The following SGMS1 variants were observed in gnomAD, a reference collection of about 807,000 sequenced individuals.
SGMS1 encodes phosphatidylcholine:ceramide cholinephosphotransferase 1.
A neutral mutation model predicts 46.2 loss-of-function variants in SGMS1; 13 were observed. The observed-to-expected ratio is 0.28, with a 90% CI of 0.18 to 0.45. The LOEUF (loss-of-function observed/expected upper bound fraction) is 0.45. Among genes scored for constraint, SGMS1 ranks in the 20% least tolerant of loss-of-function variants. The pLI is 1.00. For missense variants in SGMS1, 324 were observed against 519.9 expected, an observed-to-expected ratio of 0.62 and a Z score of 3.66; for synonymous variants, 203 against 187.8, an observed-to-expected ratio of 1.08 and a Z score of -0.66.
At chr10:50,500,169 A>AAAAC (rs1837650388) in intron 3 of SGMS1, among the ~76,000 whole-genome samples, 3 of 152,180 alleles carry the variant, frequency 2.0e-5, no homozygotes, top group Admixed American at 2.0e-4. Flanking sequence ...CTCCATCTCA[A>AAAAC]AAACAAACTA....
chr10:50,373,023 A>G (rs58417005), intron 6 of SGMS1, among the ~76,000 whole-genome samples: 4,523 of 152,296 alleles, frequency 0.03, 228 homozygotes, highest in African/African-American at 0.1. Context: ...GATTGTATAT[A>G]TAGCCATCTT....
At chr10:50,547,010 G>A (rs1838107348) in intron 2 of SGMS1, among the ~76,000 whole-genome samples, 1 of 151,982 alleles carries the variant, frequency 6.6e-6, no homozygotes, top group Non-Finnish European at 1.5e-5. Context: ...CCCAAAATAG[G>A]TATTACTGTT....
intron 5 of SGMS1, among the ~76,000 whole-genome samples, chr10:50,458,756 A>G (rs1019142584): frequency 6.6e-6 from 1 of 152,088 alleles, no homozygotes; most frequent in South Asian, 2.1e-4. Flanking sequence ...TCTATCTCTC[A>G]GGATTTTTAC....
intron 7 of SGMS1, chr10:50,341,119 T>C: frequency 3.0e-6 from 1 of 331,790 alleles, no homozygotes; most frequent in South Asian, 2.5e-5. Context: ...ACCAGAAGGA[T>C]CAATTTCTCC....
intron 3 of SGMS1, among the ~76,000 whole-genome samples, chr10:50,513,038 A>G (rs1402900960): frequency 6.6e-6 from 1 of 152,210 alleles, no homozygotes; most frequent in Non-Finnish European, 1.5e-5. Context: ...TTTTTGTAGT[A>G]TGCCTCATGT....
chr10:50,385,110 T>C (rs1848664414), intron 6 of SGMS1, among the ~76,000 whole-genome samples: 1 of 152,176 alleles, frequency 6.6e-6, no homozygotes, highest in African/African-American at 2.4e-5. Context: ...TCTGATGTTT[T>C]CTCTTGATTA....
intron 6 of SGMS1, among the ~76,000 whole-genome samples, chr10:50,383,775 T>C (rs1238504601): frequency 6.6e-6 from 1 of 152,094 alleles, no homozygotes; most frequent in Non-Finnish European, 1.5e-5. Flanking sequence ...TTTTCTTCAA[T>C]AGGCACAAAG....
chr10:50,440,430 C>G (rs1406146072), intron 5 of SGMS1, among the ~76,000 whole-genome samples: 2 of 152,074 alleles, frequency 1.3e-5, no homozygotes, highest in Non-Finnish European at 2.9e-5. Flanking sequence ...GTTTTCTCTC[C>G]TCACATGAAT....
In SGMS1 at chr10:50,350,332, A is replaced by G. The variant is rs1052024434; in HGVS notation, c.-231-5987T>C. Among the ~76,000 whole-genome samples, 3 of 152,226 alleles carry G rather than the reference A, an allele frequency of 2.0e-5. No homozygotes were observed. The East Asian group carries it at 5.8e-4, about 29-fold the overall frequency. On this transcript the variant is annotated intron_variant, in intron 6 of 10. Transcript: ENST00000361781. ...AGGCATTCAGTTTGATAAGGGAAGC[A>G]AAGCATTCAGTTTGATAAGGGAAAA...
At chr10:50,575,346 G>A (rs1427320837) in intron 2 of SGMS1, among the ~76,000 whole-genome samples, 2 of 152,058 alleles carry the variant, frequency 1.3e-5, no homozygotes, top group Non-Finnish European at 2.9e-5. Context: ...ATGAGGCCAG[G>A]AGTTCGAGAC....
upstream of SGMS1, chr10:50,624,110 G>T: frequency 1.0e-6 from 1 of 985,406 alleles, no homozygotes; most frequent in Non-Finnish European, 1.2e-6. Flanking sequence ...CCGAACCAAG[G>T]GACAGTCGCA....
At chr10:50,437,120 G>A (rs973690868) in intron 5 of SGMS1, among the ~76,000 whole-genome samples, 3 of 152,204 alleles carry the variant, frequency 2.0e-5, no homozygotes, top group Non-Finnish European at 4.4e-5. Context: ...CTTATTAAAT[G>A]TTGTGCCATT....
At chr10:50,478,814 A>G (rs529655227) in intron 3 of SGMS1, among the ~76,000 whole-genome samples, 17 of 152,246 alleles carry the variant, frequency 1.1e-4, no homozygotes, top group African/African-American at 3.1e-4. Flanking sequence ...CAATTAGGAA[A>G]CCATTTCAAG....
chr10:50,624,948 G>A, upstream of SGMS1: 1 of 1,023,878 alleles, frequency 9.8e-7, no homozygotes, highest in Non-Finnish European at 1.2e-6. Flanking sequence ...GCTCCGGGCA[G>A]CCATCTTCCG....
intron 8 of SGMS1, among the ~76,000 whole-genome samples, chr10:50,317,846 C>G (rs1266322129): frequency 6.6e-6 from 1 of 150,762 alleles, no homozygotes; most frequent in Non-Finnish European, 1.5e-5. Flanking sequence ...CTTGAGAGCC[C>G]CGGCTGGAGT....
chr10:50,586,315 T>C (rs1405276182), intron 2 of SGMS1, among the ~76,000 whole-genome samples: 1 of 152,318 alleles, frequency 6.6e-6, no homozygotes, highest in East Asian at 1.9e-4. Flanking sequence ...TCAATCCTTA[T>C]GAGCAACCCC....
rs76885625 is a variant in SGMS1 at position 50,524,996 on chromosome 10, C to G, written c.-588-5075G>C. Among the ~76,000 whole-genome samples the G allele has an allele frequency of 8.5e-5, 13 of 152,162 alleles. No individual in the cohort carries two copies. The East Asian group carries it at 2.5e-3, about 29-fold the overall frequency. The stretch of plus-strand genomic sequence containing the variant: ...ACCAAGACAGGGTGATCAGCAATTT[C>G]TAAGAATCAAGTAATATACACATGG... On this transcript the variant is annotated intron_variant, in intron 2 of 10. Coordinates refer to ENST00000361781, the MANE Select transcript of SGMS1 (RefSeq NM_147156.4).
chr10:50,346,834 G>T (rs1345038328), intron 6 of SGMS1, among the ~76,000 whole-genome samples: 1 of 151,954 alleles, frequency 6.6e-6, no homozygotes, highest in Non-Finnish European at 1.5e-5. Context: ...CCAGAAGCTG[G>T]GACCACAGGT....
intron 5 of SGMS1, among the ~76,000 whole-genome samples, chr10:50,445,001 T>C (rs1836990727): frequency 6.6e-6 from 1 of 152,138 alleles, no homozygotes; most frequent in African/African-American, 2.4e-5. Flanking sequence ...AGAACCACCA[T>C]AATTTAATTT....
Sources: gnomAD v4.1 joint callset for allele counts (sites outside exome capture counted in the v4.1 genomes callset) on GRCh38, gnomAD v4.1.1 for gene constraint, MANE v1.5 for transcripts, NCBI Gene and HGNC (gene_info 2026-07-23, HGNC 2026-07-21) for gene names.